The following ZNF536 variants were observed in gnomAD, a reference collection of about 807,000 sequenced individuals.
The protein encoded by ZNF536 is zinc finger protein 536.
In ZNF536, 13 loss-of-function variants were observed where a neutral mutation model predicts 84.5. The observed-to-expected ratio is 0.15, with a 90% CI of 0.10 to 0.24. The LOEUF (loss-of-function observed/expected upper bound fraction) is 0.24. ZNF536 is among the 10% of genes least tolerant of loss of function. The pLI is 1.00. For synonymous variants in ZNF536, 811 were observed against 742.5 expected (o/e 1.09, Z -1.50); for missense variants, 1,536 against 1,747.5 (o/e 0.88, Z 2.16).
At chr19:30,409,864 C>T (rs1208806565) in intron 1 of ZNF536, among the ~76,000 whole-genome samples, 1 of 152,102 alleles carries the variant, frequency 6.6e-6, no homozygotes, top group African/African-American at 2.4e-5. Context: ...AGATATCTCT[C>T]TATATAGATG....
At chr19:30,324,833 G>A (rs1449158697) in intron 2 of ZNF536, among the ~76,000 whole-genome samples, 1 of 152,144 alleles carries the variant, frequency 6.6e-6, no homozygotes, top group African/African-American at 2.4e-5. Context: ...TATACATCAT[G>A]TCTCCTTAAA....
intron 1 of ZNF536, among the ~76,000 whole-genome samples, chr19:30,611,734 A>C (rs972150612): frequency 6.6e-6 from 1 of 152,230 alleles, no homozygotes; most frequent in African/African-American, 2.4e-5. Flanking sequence ...TGTGATACCC[A>C]CAAAATTCAT....
chr19:30,322,612 T>C (rs1212433085), intron 2 of ZNF536, among the ~76,000 whole-genome samples: 1 of 152,190 alleles, frequency 6.6e-6, no homozygotes, highest in Non-Finnish European at 1.5e-5. Flanking sequence ...GGAACCATCC[T>C]TTTCCCGAAT....
chr19:30,408,036 C>A lies in ZNF536; in HGVS notation c.-3+35480C>A, dbSNP rs529833183. 8.7e-4 allele frequency among the ~76,000 whole-genome samples: 133 copies of A among 152,270 alleles called. 1 individual carries two copies. The highest frequency in any genetic ancestry group is 1.5e-4 in the Non-Finnish European group (10 of 68,024). On this transcript the variant is annotated intron_variant, in intron 1 of 4. Coordinates refer to ENST00000355537, the MANE Select transcript of ZNF536 (RefSeq NM_014717.3). ...CTATGAGTACCTGCCTTGGCCCACT[C>A]ATCACCAACCCTGAAGGGGTCTCAG...
At chr19:30,568,725 G>C (rs539417813) in intron 1 of ZNF536, among the ~76,000 whole-genome samples, 1 of 152,316 alleles carries the variant, frequency 6.6e-6, no homozygotes, top group African/African-American at 2.4e-5. Context: ...CCATGCTCTG[G>C]GGCAGCCGAG....
At chr19:30,351,848 G>A (rs772191196) in intron 2 of ZNF536, among the ~76,000 whole-genome samples, 6 of 152,224 alleles carry the variant, frequency 3.9e-5, no homozygotes, top group East Asian at 1.9e-4. Context: ...AAAAGTGCTC[G>A]CACATGGACT....
intron 1 of ZNF536, among the ~76,000 whole-genome samples, chr19:30,605,403 A>G (rs12463228): frequency 0.017 from 2,536 of 151,554 alleles, 95 homozygotes; most frequent in Admixed American, 0.09. Flanking sequence ...CATCCTCATT[A>G]CTTAGCTCCC....
At chr19:30,654,331 T>C (rs1307480212) in intron 1 of ZNF536, among the ~76,000 whole-genome samples, 2 of 152,110 alleles carry the variant, frequency 1.3e-5, no homozygotes, top group Non-Finnish European at 2.9e-5. Context: ...GGAATGTTCA[T>C]TAGTGCATGA....
At chr19:30,429,064 G>GGT (rs1477588054) in intron 1 of ZNF536, among the ~76,000 whole-genome samples, 1 of 152,210 alleles carries the variant, frequency 6.6e-6, no homozygotes. Context: ...TGACCATGCA[G>GGT]GTGTGGTTTA....
chr19:30,318,142 A>G (rs567881538), intron 2 of ZNF536, among the ~76,000 whole-genome samples: 3 of 152,088 alleles, frequency 2.0e-5, no homozygotes, highest in Non-Finnish European at 4.4e-5. Context: ...TGATAAAACC[A>G]TCTTGGCCAG....
intron 1 of ZNF536, among the ~76,000 whole-genome samples, chr19:30,704,422 G>A (rs545694695): frequency 2.0e-5 from 3 of 152,060 alleles, no homozygotes; most frequent in East Asian, 1.9e-4. Context: ...TGAGGTGGGC[G>A]GATCACCTGA....
intron 1 of ZNF536, among the ~76,000 whole-genome samples, chr19:30,579,229 A>C (rs1382603996): frequency 6.6e-6 from 1 of 152,192 alleles, no homozygotes; most frequent in Admixed American, 6.5e-5. Flanking sequence ...TCGAATGACT[A>C]ATGGGTTTTC....
chr19:30,395,945 A>C (rs1049952765), intron 1 of ZNF536, among the ~76,000 whole-genome samples: 12 of 152,316 alleles, frequency 7.9e-5, no homozygotes, highest in African/African-American at 2.9e-4. Flanking sequence ...CTACATCAGT[A>C]CAATTGTTAC....
intron 1 of ZNF536, among the ~76,000 whole-genome samples, chr19:30,695,588 A>G (rs1483403593): frequency 1.3e-5 from 2 of 152,110 alleles, no homozygotes; most frequent in Non-Finnish European, 2.9e-5. Context: ...ACGACAGTGT[A>G]TAGTAGGTAA....
At position 30,607,710 on chromosome 19, in the gene ZNF536, C is replaced by CAA. The variant is rs11424933; in HGVS notation, c.169+58211_169+58212dup. On this transcript the variant is annotated intron_variant, in intron 1 of 1. Coordinates refer to the ZNF536 transcript ENST00000592773. ...GCACTCCAGCCTGGGTGACATGTCTCAAAAAAAAAAAAAAAAGTAACATAC... is the reference window on the plus strand; with the variant it reads ...GCACTCCAGCCTGGGTGACATGTCTCAAAAAAAAAAAAAAAAAAGTAACATAC... Among the ~76,000 whole-genome samples the CAA allele has an allele frequency of 1.1e-3, 145 of 131,506 alleles. 1 individual carries two copies. The highest frequency in any genetic ancestry group is 1.3e-3 in the Non-Finnish European group (83 of 61,566). The allele number at this position is 131,506 out of a possible 152,430, so 86.3% of individuals were successfully genotyped here.
chr19:30,627,468 CAAAAAAAAAAAAAAAAAAA>C (rs569312789), intron 1 of ZNF536, among the ~76,000 whole-genome samples: 7 of 52,050 alleles, frequency 1.3e-4, no homozygotes, highest in Admixed American at 5.5e-4. Context: ...AAGGCCCTGT[CAAAAAAAAAAAAAAAAAAA>C]AAAAAAAAAA....
intron 2 of ZNF536, among the ~76,000 whole-genome samples, chr19:30,461,125 A>G (rs1014994247): frequency 6.6e-6 from 1 of 152,122 alleles, no homozygotes; most frequent in African/African-American, 2.4e-5. Context: ...CACAGAAGGT[A>G]TCACTGGGAA....
chr19:30,692,025 GC>G (rs1423642388), intron 1 of ZNF536, among the ~76,000 whole-genome samples: 1 of 152,242 alleles, frequency 6.6e-6, no homozygotes, highest in African/African-American at 2.4e-5. Context: ...GGCCTGGGAG[GC>G]CCCCTCTCGG....
At position 30,414,597 on chromosome 19, in the gene ZNF536, C is replaced by T. The variant is rs184784913; in HGVS notation, c.-2-28964C>T. 4.8e-3 allele frequency among the ~76,000 whole-genome samples: 729 copies of T among 152,258 alleles called. 3 individuals are homozygous for T. Among genetic ancestry groups the T allele is most frequent in the Admixed American group, 8.0e-3 (122 of 15,288 alleles). ...GCACATATGCATTCAGCATCCATAT[C>T]CTCCCTTGAACAAGACAAAGCCTTA... On this transcript the variant is annotated intron_variant, in intron 1 of 4. Transcript: ENST00000355537.
Sources: allele counts gnomAD v4.1 joint callset (sites outside exome capture counted in the v4.1 genomes callset), GRCh38; gene constraint gnomAD v4.1.1; transcripts MANE v1.5; gene names NCBI Gene and HGNC (gene_info 2026-07-23, HGNC 2026-07-21).